SIRPG: variants seen among roughly 807,000 people sequenced by gnomAD.
SIRPG encodes the protein signal-regulatory protein gamma.
In SIRPG, 38 loss-of-function variants were observed where a neutral mutation model predicts 35.7. The ratio of observed to expected loss-of-function variants is 1.06; its 90% CI spans 0.82 to 1.40. SIRPG has a LOEUF of 1.40. Ranked by LOEUF, SIRPG falls within the 40% of genes most tolerant of loss-of-function variation. The pLI is 0.00. For synonymous variants in SIRPG, 215 were observed against 190.4 expected (o/e 1.13, Z -1.06); for missense variants, 519 against 483.0 (o/e 1.07, Z -0.70).
chr20:1,685,207 A>C, the SIRPG span, among the ~76,000 whole-genome samples: 1 of 152,178 alleles, frequency 6.6e-6, no homozygotes, highest in Non-Finnish European at 1.5e-5. Flanking sequence ...AAGGGAAAAT[A>C]AATTCTCCAT....
chr20:1,668,167 TTTC>T, the SIRPG span, among the ~76,000 whole-genome samples: 3 of 94,918 alleles, frequency 3.2e-5, no homozygotes, highest in Non-Finnish European at 6.6e-5. Context: ...TTTCTTTTCT[TTTC>T]TTTTCTTTCT....
chr20:1,677,825 G>A, the SIRPG span, among the ~76,000 whole-genome samples: 52 of 152,300 alleles, frequency 3.4e-4, 1 homozygote, highest in Middle Eastern at 3.4e-3. Context: ...AGATAGGTCA[G>A]ATGAGGAAGT....
chr20:1,642,548 G>A (rs1464722953), intron 2 of SIRPG, among the ~76,000 whole-genome samples: 9 of 152,174 alleles, frequency 5.9e-5, no homozygotes, highest in East Asian at 3.9e-4. Flanking sequence ...TCTTTTAATC[G>A]GGGGATTTAA....
chr20:1,635,435 C>A lies in SIRPG; in HGVS notation c.913G>T (p.Asp305Tyr), dbSNP rs542506528. The change falls in exon 4 of 6, where the codon GAT becomes TAT. Residue 305 changes from aspartate to tyrosine, a missense_variant. Physicochemically the swap from Asp to Tyr is radical, Grantham distance 160. Coordinates refer to ENST00000303415, the MANE Select transcript of SIRPG (RefSeq NM_018556.4). ...CAGCTTGTCCAGTTGTAGGTACCATCCTTGTTCTCTGTAAGGGTCGAGGCT... is the reference window on the plus strand; with the variant it reads ...CAGCTTGTCCAGTTGTAGGTACCATACTTGTTCTCTGTAAGGGTCGAGGCT... ...ETASTLTENK[D>Y]GTYNWTSWFL... 1.2e-6 allele frequency: 2 copies of A among 1,614,024 alleles called. No homozygotes were observed. Among genetic ancestry groups the A allele is most frequent in the African/African-American group, 2.7e-5 (2 of 74,902 alleles).
chr20:1,657,705 G>T lies in SIRPG; in HGVS notation c.10C>A (p.Pro4Thr), dbSNP rs201306847. The T allele has an allele frequency of 4.9e-5, 79 of 1,614,162 alleles. No individual in the cohort carries two copies. The East Asian group carries it at 1.2e-3, about 25-fold the overall frequency. Residue 4 changes from proline to threonine, a missense_variant, in exon 1 of 6, where the codon CCA becomes ACA. Coordinates refer to ENST00000303415, the MANE Select transcript of SIRPG (RefSeq NM_018556.4). ...CCAGGAGGATGGGGCCAGGAGGCTGGGACAGGCATTTTGGAGACCTCAGAA... is the reference window on the plus strand; with the variant it reads ...CCAGGAGGATGGGGCCAGGAGGCTGTGACAGGCATTTTGGAGACCTCAGAA... Reference protein sequence around the residue: MPVPASWPHPPGPF... With the variant: MPVTASWPHPPGPF...
intron 1 of SIRPG, among the ~76,000 whole-genome samples, chr20:1,652,493 T>G (rs981369312): frequency 6.6e-6 from 1 of 152,238 alleles, no homozygotes; most frequent in Non-Finnish European, 1.5e-5. Flanking sequence ...AGAAGGATTA[T>G]AAACCATGAA....
chr20:1,668,329 C>T, the SIRPG span, among the ~76,000 whole-genome samples: 6 of 151,086 alleles, frequency 4.0e-5, no homozygotes, highest in East Asian at 1.2e-3. Flanking sequence ...GTCGCCCAGG[C>T]TGGAGTGCAG....
upstream of SIRPG, among the ~76,000 whole-genome samples, chr20:1,661,507 G>A (rs2091995816): frequency 6.6e-6 from 1 of 152,212 alleles, no homozygotes; most frequent in African/African-American, 2.4e-5. Flanking sequence ...AGAGCAGGCT[G>A]CACTCACTCA....
intron 4 of SIRPG, among the ~76,000 whole-genome samples, chr20:1,634,077 C>G (rs140306583): frequency 4.6e-5 from 7 of 152,216 alleles, no homozygotes; most frequent in Non-Finnish European, 1.0e-4. Context: ...AAACAGAGAT[C>G]ATGGATGAAT....
At chr20:1,649,031 G>A (rs1403085936) in intron 2 of SIRPG, 21 bp downstream of exon 2, 3 of 1,582,062 alleles carry the variant, frequency 1.9e-6, no homozygotes, top group Admixed American at 3.4e-5. Flanking sequence ...AGGGGATGAG[G>A]GAGGTCCATG....
At chr20:1,654,241 A>G (rs1238545419) in intron 1 of SIRPG, among the ~76,000 whole-genome samples, 1 of 151,800 alleles carries the variant, frequency 6.6e-6, no homozygotes, top group Non-Finnish European at 1.5e-5. Context: ...GCATCTAAAA[A>G]AAAAAAAAAA....
chr20:1,637,840 T>C (rs1268915806), intron 2 of SIRPG: 2 of 152,282 alleles, frequency 1.3e-5, no homozygotes, highest in East Asian at 3.9e-4. Flanking sequence ...GCACACAAAC[T>C]GGAGAATCAG....
chr20:1,629,889 G>C (rs1035664414), intron 5 of SIRPG, among the ~76,000 whole-genome samples: 1 of 152,104 alleles, frequency 6.6e-6, no homozygotes, highest in Non-Finnish European at 1.5e-5. Context: ...CTCAACATTA[G>C]TTTACAATGT....
Position 1,651,723 on chromosome 20 carries a change from G to GT in SIRPG, c.74-2316dup, listed in dbSNP as rs11434811. Among the ~76,000 whole-genome samples, 369 of 148,612 alleles carry GT rather than the reference G, an allele frequency of 2.5e-3. 3 individuals are homozygous for GT. The highest frequency in any genetic ancestry group is 8.1e-3 in the African/African-American group (330 of 40,492). On this transcript the variant is annotated intron_variant, in intron 1 of 5. Transcript: ENST00000303415. ...CTGATTGGCTCCACAATTTGAGAAGGTTTTTTTTTTGCCCTGATGCCTTTC... is the reference window on the plus strand; with the variant it reads ...CTGATTGGCTCCACAATTTGAGAAGGTTTTTTTTTTTGCCCTGATGCCTTTC...
intron 2 of SIRPG, among the ~76,000 whole-genome samples, chr20:1,636,888 G>A (rs1460200269): frequency 6.6e-6 from 1 of 152,144 alleles, no homozygotes; most frequent in Non-Finnish European, 1.5e-5. Context: ...GTTTACAGAA[G>A]CCAAAGTAGG....
At chr20:1,674,689 A>C in the SIRPG span, among the ~76,000 whole-genome samples, 16 of 152,306 alleles carry the variant, frequency 1.1e-4, no homozygotes, top group Admixed American at 9.8e-4. Flanking sequence ...GGTTTGGTGC[A>C]TGATTATCAG....
the SIRPG span, among the ~76,000 whole-genome samples, chr20:1,685,070 C>T: frequency 6.6e-6 from 1 of 152,170 alleles, no homozygotes; most frequent in Admixed American, 6.5e-5. Flanking sequence ...TGTGCCCAGC[C>T]CTGTGATTCT....
chr20:1,661,198 G>A (rs528973126), upstream of SIRPG, among the ~76,000 whole-genome samples: 9 of 152,176 alleles, frequency 5.9e-5, no homozygotes, highest in Non-Finnish European at 1.3e-4. Flanking sequence ...ATGATGCTGT[G>A]TGACAACCTT....
chr20:1,655,672 C>T (rs1273439231), intron 1 of SIRPG, among the ~76,000 whole-genome samples: 2 of 152,072 alleles, frequency 1.3e-5, no homozygotes, highest in South Asian at 2.1e-4. Flanking sequence ...GCAGAGTTTA[C>T]GAGTTCTCAC....
Sources: allele counts gnomAD v4.1 joint callset (sites outside exome capture counted in the v4.1 genomes callset), GRCh38; gene constraint gnomAD v4.1.1; transcripts MANE v1.5; gene names NCBI Gene and HGNC (gene_info 2026-07-23, HGNC 2026-07-21).